The following PTGFRN variants were observed in gnomAD, a reference collection of about 807,000 sequenced individuals.
PTGFRN encodes the protein prostaglandin F2 receptor inhibitor.
In PTGFRN, 35 loss-of-function variants were observed where a neutral mutation model predicts 83.2. That is an observed-to-expected ratio of 0.42 (90% CI 0.32 to 0.56). The LOEUF is 0.56. PTGFRN is among the 20% of genes least tolerant of loss of function. The probability of loss-of-function intolerance (pLI) is 0.11; values close to 1 mark genes in which losing one functional copy is unlikely to be tolerated. For missense variants in PTGFRN, 1,051 were observed against 1,179.5 expected (o/e 0.89, Z 1.60); for synonymous variants, 519 against 498.6 (o/e 1.04, Z -0.55).
chr1:116,984,091 T>TC (rs1557751665), intron 7 of PTGFRN, among the ~76,000 whole-genome samples: 1 of 152,248 alleles, frequency 6.6e-6, no homozygotes, highest in African/African-American at 2.4e-5. Context: ...ACATTTTTTT[T>TC]CCTCTTGTTT....
chr1:116,950,016 G>A (rs1250599858), intron 4 of PTGFRN, among the ~76,000 whole-genome samples: 2 of 150,710 alleles, frequency 1.3e-5, no homozygotes, highest in African/African-American at 2.4e-5. Context: ...TTTTTTTCAC[G>A]TCACGCCCTG....
At position 116,961,699 on chromosome 1, in the gene PTGFRN, G is replaced by A. The variant is rs372326729; in HGVS notation, c.1639+31G>A. On this transcript the variant is annotated intron_variant, in intron 5 of 8. Transcript: ENST00000393203. This position sits in a 1 kb window ranked among gnomAD's most constrained non-coding sequence, Gnocchi z 5.4. ...AACTTTTTTCTTGTTATTCATTTTT[G>A]TTTTGTCTTTGCTTAAGTCGTGCCG... 38 of 1,579,796 alleles carry A rather than the reference G, an allele frequency of 2.4e-5. No homozygotes were observed. The highest frequency in any genetic ancestry group is 3.6e-5 in the Admixed American group (2 of 56,160).
chr1:116,949,098 TAAG>T, intron 3 of PTGFRN, 91 bp from the exon 4 acceptor site: 1 of 1,453,084 alleles, frequency 6.9e-7, no homozygotes. Flanking sequence ...ATGCTGTAAA[TAAG>T]AACTTAAAAG....
intron 7 of PTGFRN, among the ~76,000 whole-genome samples, chr1:116,978,180 C>T (rs1231733453): frequency 8.6e-5 from 13 of 152,018 alleles, no homozygotes; most frequent in Non-Finnish European, 1.6e-4. Context: ...CAGGAAGAAG[C>T]GGAATCCCTG....
Position 116,989,802 on chromosome 1 carries a change from A to T in PTGFRN, c.*2835A>T, listed in dbSNP as rs1011065408. 1 of 152,618 alleles carries T rather than the reference A, an allele frequency of 6.6e-6. No homozygotes were observed. Among genetic ancestry groups the T allele is most frequent in the African/African-American group, 2.4e-5 (1 of 41,448 alleles). 9.5% of individuals were successfully genotyped at this position (152,618 alleles called of 1,614,324 possible). On this transcript the variant is annotated 3_prime_UTR_variant, in exon 9 of 9. Transcript: ENST00000393203. ...CACCAACTGGGCTAAATTTTAATTT[A>T]AAAATGTATTTATTTGAGTGTCTTT...
Position 116,948,981 on chromosome 1 carries a change from C to T in PTGFRN, c.833-211C>T, listed in dbSNP as rs376854250. ...TATAGCAGATATATGTAAATGTTTG[C>T]GGCTATTGTTGTTTTTATAAAATAA... is the stretch of plus-strand genomic sequence containing the variant. On this transcript the variant is annotated intron_variant, in intron 3 of 8. Coordinates refer to ENST00000393203, the MANE Select transcript of PTGFRN (RefSeq NM_020440.4). Among the ~76,000 whole-genome samples the T allele has an allele frequency of 1.6e-4, 25 of 152,232 alleles. No homozygotes were observed. The East Asian group carries it at 2.5e-3, about 15-fold the overall frequency.
Position 116,988,878 on chromosome 1 carries a change from G to A in PTGFRN, c.*1911G>A, listed in dbSNP as rs1651609356. The A allele has an allele frequency of 1.3e-5, 2 of 152,344 alleles. No individual in the cohort carries two copies. Among genetic ancestry groups the A allele is most frequent in the South Asian group, 4.1e-4 (2 of 4,832 alleles). 9.4% of individuals were successfully genotyped at this position (152,344 alleles called of 1,614,324 possible). ...CAGGGCCTGAGTGACTAGAGGAAGA[G>A]GACGAGGCCTTGTTGGCACTAGATT... On this transcript the variant is annotated 3_prime_UTR_variant, in exon 9 of 9. Transcript: ENST00000393203.
Position 116,986,891 on chromosome 1 carries a change from C to T in PTGFRN, c.2564C>T (p.Ser855Phe), listed in dbSNP as rs1651506771. The T allele has an allele frequency of 6.2e-7, 1 of 1,614,248 alleles. No homozygotes were observed. The highest frequency in any genetic ancestry group is 8.5e-7 in the Non-Finnish European group (1 of 1,180,038). The stretch of plus-strand genomic sequence containing the variant: ...TCCTGTCTCATCGGGTACTGCAGCT[C>T]CCACTGGTGTTGTAAGAAGGAGGTT... ...LLSCLIGYCS[S>F]HWCCKKEVQE... The change falls in exon 9 of 9, where the codon TCC (serine) becomes TTC (phenylalanine). Residue 855 changes from serine (S) to phenylalanine (F), a missense_variant. This residue lies in a region of PTGFRN where 719 missense variants were observed against 836.6 expected (regional missense o/e 0.86). Transcript: ENST00000393203.
chr1:116,954,628 C>T (rs1240427291), intron 4 of PTGFRN, among the ~76,000 whole-genome samples: 2 of 152,128 alleles, frequency 1.3e-5, no homozygotes, highest in Admixed American at 6.5e-5. Context: ...TCTTGTCTTC[C>T]GGGACGTAGC....
chr1:116,981,664 G>C (rs1651322057), intron 7 of PTGFRN, among the ~76,000 whole-genome samples: 1 of 152,260 alleles, frequency 6.6e-6, no homozygotes, highest in African/African-American at 2.4e-5. Flanking sequence ...AAAGGACCTG[G>C]GTAGGAAATA....
At chr1:116,910,372 A>G in intron 1 of PTGFRN, 120 bp downstream of exon 1, 2 of 940,066 alleles carry the variant, frequency 2.1e-6, no homozygotes, top group African/African-American at 1.7e-5. Context: ...GCTCCCGGGA[A>G]ACCCGGCCGG....
chr1:116,943,503 T>C (rs1650109790), intron 2 of PTGFRN, among the ~76,000 whole-genome samples: 1 of 152,066 alleles, frequency 6.6e-6, no homozygotes, highest in Non-Finnish European at 1.5e-5. Flanking sequence ...CTTTCTTGGG[T>C]GAGGAAAGCA....
In PTGFRN at chr1:116,986,927, G is replaced by T. The variant is rs770066096; in HGVS notation, c.2600G>T (p.Arg867Leu). The change falls in exon 9 of 9, where the codon CGG becomes CTG. Residue 867 changes from arginine to leucine, a missense_variant. Arg to Leu is a moderately radical substitution (Grantham distance 102). Coordinates refer to ENST00000393203, the MANE Select transcript of PTGFRN (RefSeq NM_020440.4). ...TGTAAGAAGGAGGTTCAGGAGACAC[G>T]GCGCGAGCGCCGCAGGCTCATGTCG... is the stretch of plus-strand genomic sequence containing the variant. ...WCCKKEVQETRRERRRLMSME... is the reference protein window; with the variant it reads ...WCCKKEVQETLRERRRLMSME... The T allele has an allele frequency of 6.2e-7, 1 of 1,614,234 alleles. No individual in the cohort carries two copies. The highest frequency in any genetic ancestry group is 8.5e-7 in the Non-Finnish European group (1 of 1,180,038).
At chr1:116,969,218 T>C (rs12748161) in intron 6 of PTGFRN, among the ~76,000 whole-genome samples, 25,927 of 151,934 alleles carry the variant, frequency 0.17, 2,409 homozygotes, top group Middle Eastern at 0.24. Context: ...TGTTTTCTTC[T>C]AAGAGTTTTA....
chr1:116,943,380 C>A (rs1399019973), intron 2 of PTGFRN, among the ~76,000 whole-genome samples: 2 of 152,196 alleles, frequency 1.3e-5, no homozygotes, highest in Non-Finnish European at 2.9e-5. Context: ...TTGGAGTCTC[C>A]TCTTGAGTGG....
rs1193662765 is a variant in PTGFRN at position 116,989,143 on chromosome 1, A to G, written c.*2176A>G. ...GCTTTGGACCTGACCGGGTGTGTGT[A>G]AAACCATGGACTGAGTCACAGCAGA... On this transcript the variant is annotated 3_prime_UTR_variant, in exon 9 of 9. Transcript: ENST00000393203. 1 of 152,260 alleles carries G rather than the reference A, an allele frequency of 6.6e-6. No homozygotes were observed. The highest frequency in any genetic ancestry group is 1.5e-5 in the Non-Finnish European group (1 of 68,070). 9.4% of individuals were successfully genotyped at this position (152,260 alleles called of 1,614,324 possible).
intron 4 of PTGFRN, among the ~76,000 whole-genome samples, chr1:116,956,200 TCAAATGAACCTGCC>T (rs1650483651): frequency 6.6e-6 from 1 of 152,164 alleles, no homozygotes; most frequent in Admixed American, 6.5e-5. Flanking sequence ...GGTGGATAGC[TCAAATGAACCTGCC>T]CCTCGTAAGT....
intron 1 of PTGFRN, among the ~76,000 whole-genome samples, chr1:116,917,788 A>G (rs1649441430): frequency 2.0e-5 from 3 of 151,880 alleles, no homozygotes; most frequent in Non-Finnish European, 4.4e-5. Flanking sequence ...GGCCTGGTTA[A>G]TTTTTTATCT....
intron 7 of PTGFRN, among the ~76,000 whole-genome samples, chr1:116,975,059 G>A (rs1220203808): frequency 1.3e-5 from 2 of 152,322 alleles, no homozygotes; most frequent in Admixed American, 6.5e-5. Flanking sequence ...CTTAGCAAAC[G>A]GCACACCAGG....
Sources: allele counts gnomAD v4.1 joint callset (sites outside exome capture counted in the v4.1 genomes callset), GRCh38; gene constraint gnomAD v4.1.1; regional missense constraint gnomAD v4.1.1; non-coding constraint Gnocchi (gnomAD v3.1); transcripts MANE v1.5; gene names NCBI Gene and HGNC (gene_info 2026-07-23, HGNC 2026-07-21).